The following INPP5F variants were observed in gnomAD, a reference collection of about 807,000 sequenced individuals.
The protein encoded by INPP5F is inositol polyphosphate-5-phosphatase F.
Under a neutral mutation model 137.2 loss-of-function variants are expected in INPP5F, and 97 were observed. That is an observed-to-expected ratio of 0.71 (90% CI 0.60 to 0.84). INPP5F has a LOEUF of 0.84. Among genes scored for constraint, INPP5F ranks in the 40% least tolerant of loss-of-function variants. The pLI is 0.00. For synonymous variants in INPP5F, 504 were observed against 476.9 expected, an observed-to-expected ratio of 1.06 and a Z score of -0.74; for missense variants, 1,271 against 1,371.9, an observed-to-expected ratio of 0.93 and a Z score of 1.16.
intron 3 of INPP5F, among the ~76,000 whole-genome samples, chr10:119,785,479 G>T (rs1227575290): frequency 6.7e-6 from 1 of 149,852 alleles, no homozygotes; most frequent in Non-Finnish European, 1.5e-5. Context: ...CAGAGATGGG[G>T]TTTCACTGTG....
At chr10:119,807,450 C>T (rs1564843849) in intron 12 of INPP5F, among the ~76,000 whole-genome samples, 2 of 152,156 alleles carry the variant, frequency 1.3e-5, no homozygotes, top group Admixed American at 6.5e-5. Flanking sequence ...CTTTCCAAAC[C>T]TCAGTCTCAT....
At chr10:119,768,621 TGA>T (rs1422721833) in intron 2 of INPP5F, 1 of 152,204 alleles carries the variant, frequency 6.6e-6, no homozygotes, top group Non-Finnish European at 1.5e-5. Flanking sequence ...CACAACCGTG[TGA>T]GTGTTCAGGC....
At chr10:119,816,110 T>C (rs1392165732) in intron 15 of INPP5F, 3 of 152,296 alleles carry the variant, frequency 2.0e-5, no homozygotes, top group African/African-American at 4.8e-5. Context: ...ATTTTTCTAA[T>C]GGAAGGCACT....
rs1443295271 is a variant in INPP5F at position 119,813,468 on chromosome 10, T to A, written c.1886+1513T>A. Among the ~76,000 whole-genome samples the A allele has an allele frequency of 2.6e-5, 4 of 151,892 alleles. No homozygotes were observed. In the East Asian group the frequency reaches 5.8e-4, roughly 22 times the overall value. Reference sequence around the variant, plus strand: ...TTGAGACCTCATCTCTACAAAAAAATTTTAAAATTAGCCTGGTATTGTGGT... The same window carrying A: ...TTGAGACCTCATCTCTACAAAAAAAATTTAAAATTAGCCTGGTATTGTGGT... On this transcript the variant is annotated intron_variant, in intron 15 of 19. Transcript: ENST00000650623.
chr10:119,786,492 C>G lies in INPP5F; in HGVS notation c.315+4721C>G, dbSNP rs115000580. 2.9e-3 allele frequency among the ~76,000 whole-genome samples: 435 copies of G among 152,276 alleles called. 2 individuals are homozygous for G. The highest frequency in any genetic ancestry group is 0.01 in the African/African-American group (418 of 41,556). On this transcript the variant is annotated intron_variant, in intron 3 of 19. Coordinates refer to ENST00000650623, the MANE Select transcript of INPP5F (RefSeq NM_014937.4). ...AAGGTAGTGCTCTATACTTTATTTTCTAAAGATAACTGTGTAGCAGATTCT... is the reference window on the plus strand; with the variant it reads ...AAGGTAGTGCTCTATACTTTATTTTGTAAAGATAACTGTGTAGCAGATTCT...
intron 2 of INPP5F, among the ~76,000 whole-genome samples, chr10:119,771,109 T>C (rs1307935109): frequency 6.6e-6 from 1 of 152,166 alleles, no homozygotes; most frequent in East Asian, 1.9e-4. Context: ...TCATTACCCC[T>C]ACACCAGCTC....
At chr10:119,795,460 TC>T (rs1235240653) in intron 6 of INPP5F, among the ~76,000 whole-genome samples, 1 of 142,460 alleles carries the variant, frequency 7.0e-6, no homozygotes, top group Non-Finnish European at 1.5e-5. Context: ...GCAGAGGTGC[TC>T]CCCACCTCTC....
chr10:119,753,281 A>C (rs973342711), intron 2 of INPP5F, among the ~76,000 whole-genome samples: 1 of 152,240 alleles, frequency 6.6e-6, no homozygotes, highest in African/African-American at 2.4e-5. Context: ...AATCACTGCA[A>C]TCAGTTAGGA....
chr10:119,782,628 C>T (rs767215632), intron 3 of INPP5F, among the ~76,000 whole-genome samples: 9 of 151,714 alleles, frequency 5.9e-5, no homozygotes, highest in Non-Finnish European at 1.2e-4. Flanking sequence ...CCAGCCTGGG[C>T]AACATAGCCA....
intron 1 of INPP5F, among the ~76,000 whole-genome samples, chr10:119,732,931 A>G (rs531902605): frequency 6.6e-6 from 1 of 152,286 alleles, no homozygotes; most frequent in Admixed American, 6.5e-5. Context: ...CATTTTACAG[A>G]TGAGGAAACT....
Position 119,827,090 on chromosome 10 carries a change from T to C in INPP5F, c.2709T>C (p.Ser903=). ...GIIASAPRLG[S]RSQSLSSTDS... ...TTGCCTCAGCGCCTCGATTGGGCAGTCGGTCCCAGTCTCTTAGCAGCACAG... is the reference window on the plus strand; with the variant it reads ...TTGCCTCAGCGCCTCGATTGGGCAGCCGGTCCCAGTCTCTTAGCAGCACAG... Residue 903 remains serine (S), a synonymous_variant, in exon 20 of 20, where the codon AGT becomes AGC. Transcript: ENST00000650623. 1.2e-6 allele frequency: 2 copies of C among 1,614,212 alleles called. No homozygotes were observed. The highest frequency in any genetic ancestry group is 1.7e-6 in the Non-Finnish European group (2 of 1,180,040).
At chr10:119,822,035 C>T (rs866100649) in intron 16 of INPP5F, among the ~76,000 whole-genome samples, 52 of 151,594 alleles carry the variant, frequency 3.4e-4, no homozygotes, top group African/African-American at 1.2e-3. Context: ...GGATTACAGG[C>T]GCCTGCCACG....
chr10:119,767,616 A>C (rs540267308), intron 2 of INPP5F, among the ~76,000 whole-genome samples: 1 of 152,330 alleles, frequency 6.6e-6, no homozygotes, highest in South Asian at 2.1e-4. Context: ...CTTCAATTAA[A>C]AACCAAAGAT....
At chr10:119,790,882 G>A (rs1589718068) in intron 3 of INPP5F, among the ~76,000 whole-genome samples, 1 of 152,138 alleles carries the variant, frequency 6.6e-6, no homozygotes, top group African/African-American at 2.4e-5. Flanking sequence ...ACGCTCCCAC[G>A]CCCTTCCTTA....
chr10:119,800,831 T>C (rs1209158789), intron 9 of INPP5F, among the ~76,000 whole-genome samples: 1 of 151,402 alleles, frequency 6.6e-6, no homozygotes, highest in African/African-American at 2.4e-5. Flanking sequence ...GCACCTGTAG[T>C]CCCAGCTACT....
At chr10:119,798,720 G>A in intron 9 of INPP5F, 110 bp downstream of exon 9, 1 of 496,262 alleles carries the variant, frequency 2.0e-6, no homozygotes. Context: ...CATTTGTCAT[G>A]AAGTTTAACA....
In INPP5F at chr10:119,829,122, TAAAG is replaced by T. The variant is rs1340855616; in HGVS notation, c.*1343_*1346del. Reference sequence around the variant, plus strand: ...GTGTTAAATCTTGTGATTATTAAAATAAAGTACCATTGTAATTTAAAGTGACAAA... The same window carrying T: ...GTGTTAAATCTTGTGATTATTAAAATTACCATTGTAATTTAAAGTGACAAA... On this transcript the variant is annotated 3_prime_UTR_variant, in exon 20 of 20. Coordinates refer to ENST00000650623, the MANE Select transcript of INPP5F (RefSeq NM_014937.4). 6.6e-6 allele frequency: 1 copy of T among 152,164 alleles called. No individual in the cohort carries two copies. Among genetic ancestry groups the T allele is most frequent in the African/African-American group, 2.4e-5 (1 of 41,062 alleles). The allele number at this position is 152,164 out of a possible 1,614,324, so 9.4% of individuals were successfully genotyped here. A position where few individuals can be genotyped will look rare whatever the true frequency, so the allele number is the denominator to read the frequency against.
intron 2 of INPP5F, among the ~76,000 whole-genome samples, chr10:119,757,005 T>G (rs966355942): frequency 2.0e-5 from 3 of 152,304 alleles, no homozygotes; most frequent in Non-Finnish European, 4.4e-5. Flanking sequence ...GGGTGTAATG[T>G]AGTCTGTCTT....
intron 1 of INPP5F, among the ~76,000 whole-genome samples, chr10:119,730,752 A>G (rs1466116901): frequency 6.6e-6 from 1 of 151,858 alleles, no homozygotes; most frequent in Non-Finnish European, 1.5e-5. Flanking sequence ...TAGAAACTGT[A>G]TATGGAAAGG....
Sources: gnomAD v4.1 joint callset for allele counts (sites outside exome capture counted in the v4.1 genomes callset) on GRCh38, gnomAD v4.1.1 for gene constraint, MANE v1.5 for transcripts, NCBI Gene and HGNC (gene_info 2026-07-23, HGNC 2026-07-21) for gene names.